The following NRXN1 variants were observed in gnomAD, a reference collection of about 807,000 sequenced individuals.
NRXN1 encodes neurexin-1.
A neutral mutation model predicts 150.9 loss-of-function variants in NRXN1; 39 were observed. The observed-to-expected ratio is 0.26, with a 90% CI of 0.20 to 0.34. The LOEUF is 0.34. Among genes scored for constraint, NRXN1 ranks in the 10% least tolerant of loss-of-function variants. The pLI, the probability that NRXN1 is intolerant of heterozygous loss-of-function variation, is 1.00. For missense variants in NRXN1, 1,815 were observed against 1,949.9 expected, an observed-to-expected ratio of 0.93 and a Z score of 1.30; for synonymous variants, 924 against 757.0, an observed-to-expected ratio of 1.22 and a Z score of -3.62.
At chr2:50,536,927 C>T (rs2093274488) in intron 10 of NRXN1, among the ~76,000 whole-genome samples, 2 of 152,142 alleles carry the variant, frequency 1.3e-5, no homozygotes, top group African/African-American at 2.4e-5. Context: ...ATGAATATAT[C>T]TGTATCTATG....
intron 5 of NRXN1, among the ~76,000 whole-genome samples, chr2:50,641,311 C>T (rs925603185): frequency 3.3e-5 from 5 of 152,000 alleles, no homozygotes; most frequent in Admixed American, 2.6e-4. Context: ...CCCCATTTCC[C>T]TCATTTGCTG....
chr2:50,889,156 TTGTAAACTA>T (rs1266550399), intron 5 of NRXN1, among the ~76,000 whole-genome samples: 2 of 151,658 alleles, frequency 1.3e-5, no homozygotes, highest in African/African-American at 4.8e-5. Context: ...AATTTTAGCT[TTGTAAACTA>T]TGAGTCTTCT....
intron 5 of NRXN1, among the ~76,000 whole-genome samples, chr2:50,897,353 C>G (rs996631356): frequency 1.3e-5 from 2 of 152,162 alleles, no homozygotes; most frequent in Admixed American, 6.6e-5. Flanking sequence ...TTTTCTCAAA[C>G]AATGAGTATC....
At chr2:50,510,658 TATTA>T (rs1489495320) in intron 12 of NRXN1, among the ~76,000 whole-genome samples, 9 of 152,186 alleles carry the variant, frequency 5.9e-5, no homozygotes, top group African/African-American at 2.2e-4. Context: ...AAGCCAGATA[TATTA>T]ATTTTTCATT....
intron 18 of NRXN1, among the ~76,000 whole-genome samples, chr2:50,136,127 CT>C (rs374553671): frequency 2.6e-4 from 39 of 152,296 alleles, no homozygotes; most frequent in African/African-American, 8.4e-4. Context: ...GAAGGTTAAT[CT>C]CCTAATTACT....
chr2:50,000,241 A>G (rs185671303), intron 21 of NRXN1, among the ~76,000 whole-genome samples: 45 of 152,326 alleles, frequency 3.0e-4, no homozygotes, highest in African/African-American at 1.0e-3. Flanking sequence ...TTGAATCTAC[A>G]TTGTGCTTCT....
At chr2:50,087,897 C>T (rs1699022397) in intron 19 of NRXN1, among the ~76,000 whole-genome samples, 2 of 152,074 alleles carry the variant, frequency 1.3e-5, no homozygotes. Context: ...AGATGAATTG[C>T]TTCATATAAA....
At chr2:50,270,810 C>T (rs1307781778) in intron 17 of NRXN1, among the ~76,000 whole-genome samples, 2 of 151,934 alleles carry the variant, frequency 1.3e-5, no homozygotes, top group Non-Finnish European at 2.9e-5. Flanking sequence ...GCTGCGGCTA[C>T]ACCACACCTG....
At chr2:50,405,900 T>C (rs2082720317) in intron 17 of NRXN1, among the ~76,000 whole-genome samples, 1 of 152,168 alleles carries the variant, frequency 6.6e-6, no homozygotes, top group Admixed American at 6.6e-5. Flanking sequence ...TTTACAATTG[T>C]TAATTCATTG....
Position 50,799,956 on chromosome 2 carries a change from T to A in NRXN1, c.832+121913A>T, listed in dbSNP as rs186514300. Among the ~76,000 whole-genome samples, 166 of 152,214 alleles carry A rather than the reference T, an allele frequency of 1.1e-3. 1 individual carries two copies. In the East Asian group the frequency reaches 0.028, roughly 26 times the overall value. ...AGAGAAACACACATGATAATTTTTT[T>A]AAAAATTAAATGTACTTAAATTTAA... On this transcript the variant is annotated intron_variant, in intron 5 of 22. Coordinates refer to ENST00000401669, the MANE Select transcript of NRXN1 (RefSeq NM_001330078.2).
chr2:50,885,722 C>T (rs982351625), intron 5 of NRXN1, among the ~76,000 whole-genome samples: 1 of 151,050 alleles, frequency 6.6e-6, no homozygotes, highest in Non-Finnish European at 1.5e-5. Flanking sequence ...TTAAATATGC[C>T]TGATGATGAT....
intron 18 of NRXN1, among the ~76,000 whole-genome samples, chr2:50,206,045 C>A (rs975841734): frequency 5.9e-5 from 9 of 151,990 alleles, no homozygotes; most frequent in African/African-American, 9.7e-5. Context: ...AAATTGTACA[C>A]ATTGAGTAAA....
At chr2:50,053,672 T>C (rs941936336) in intron 20 of NRXN1, 82 bp from the exon 21 acceptor site, 28 of 1,394,886 alleles carry the variant, frequency 2.0e-5, no homozygotes, top group Non-Finnish European at 2.8e-5. Flanking sequence ...AGATCTTTTA[T>C]GGGGTGAATA....
At chr2:50,770,637 T>G (rs1405881174) in intron 5 of NRXN1, among the ~76,000 whole-genome samples, 1 of 152,114 alleles carries the variant, frequency 6.6e-6, no homozygotes, top group East Asian at 1.9e-4. Flanking sequence ...CAATTAAATT[T>G]TTTATATCTA....
At chr2:50,577,313 A>C (rs1393772611) in intron 8 of NRXN1, among the ~76,000 whole-genome samples, 1 of 152,106 alleles carries the variant, frequency 6.6e-6, no homozygotes, top group Non-Finnish European at 1.5e-5. Context: ...AATATAAAAT[A>C]AGTCTCATCA....
chr2:50,685,121 A>G (rs1691024523), intron 5 of NRXN1, among the ~76,000 whole-genome samples: 1 of 152,208 alleles, frequency 6.6e-6, no homozygotes, highest in African/African-American at 2.4e-5. Flanking sequence ...AAAACTACAC[A>G]TCTCACTTAA....
intron 5 of NRXN1, among the ~76,000 whole-genome samples, chr2:50,694,589 C>G (rs1192882399): frequency 6.6e-6 from 1 of 152,104 alleles, no homozygotes; most frequent in Non-Finnish European, 1.5e-5. Context: ...CTGTTCATCT[C>G]TACAAAGTCA....
chr2:50,240,269 C>A (rs182990029), intron 17 of NRXN1, among the ~76,000 whole-genome samples: 1 of 151,762 alleles, frequency 6.6e-6, no homozygotes, highest in Admixed American at 6.6e-5. Context: ...TTTTTCCCAC[C>A]AGATATATCC....
At chr2:50,676,806 G>A (rs143315081) in intron 5 of NRXN1, among the ~76,000 whole-genome samples, 2 of 152,132 alleles carry the variant, frequency 1.3e-5, no homozygotes, top group East Asian at 3.9e-4. Flanking sequence ...CTGAAGTAAA[G>A]AGAAAATAAG....
Sources: gnomAD v4.1 joint callset for allele counts (sites outside exome capture counted in the v4.1 genomes callset) on GRCh38, gnomAD v4.1.1 for gene constraint, MANE v1.5 for transcripts, NCBI Gene and HGNC (gene_info 2026-07-23, HGNC 2026-07-21) for gene names.